Variants in GALT observed in about 807,000 individuals in gnomAD.
GALT encodes the protein galactose-1-phosphate uridylyltransferase.
Under a neutral mutation model 55.4 loss-of-function variants are expected in GALT, and 42 were observed. That is an observed-to-expected ratio of 0.76 (90% CI 0.59 to 0.98). GALT has a LOEUF of 0.98. Among genes scored for constraint, GALT ranks in the 50% least tolerant of loss-of-function variants. The probability of loss-of-function intolerance (pLI) is 0.00; values close to 1 mark genes in which losing one functional copy is unlikely to be tolerated. For synonymous variants in GALT, 154 were observed against 181.5 expected, an observed-to-expected ratio of 0.85 and a Z score of 1.22; for missense variants, 407 against 495.7, an observed-to-expected ratio of 0.82 and a Z score of 1.70.
Position 34,648,811 on chromosome 9 carries a change from G to T in GALT, c.737G>T (p.Trp246Leu). The change falls in exon 8 of 11, where the codon TGG becomes TTG. Residue 246 changes from tryptophan to leucine, a missense_variant. Physicochemically the swap from Trp to Leu is moderately conservative, Grantham distance 61. Coordinates refer to ENST00000378842, the MANE Select transcript of GALT (RefSeq NM_000155.4). The surrounding 1 kb of genome is among the most constrained non-coding windows in gnomAD (Gnocchi z 4.9). The part of the protein sequence containing the change: ...SEHWLVLVPF[W>L]ATWPYQTLLL... ...CACTGGTTAGTACTGGTCCCCTTCT[G>T]GGCAACATGGCCCTACCAGACACTG... is the stretch of plus-strand genomic sequence containing the variant. 6.2e-7 allele frequency: 1 copy of T among 1,613,354 alleles called. No homozygotes were observed.
At position 34,648,637 on chromosome 9, in the gene GALT, T is replaced by C; in HGVS notation, c.688-125T>C. 1.3e-6 allele frequency: 2 copies of C among 1,493,126 alleles called. No homozygotes were observed. The highest frequency in any genetic ancestry group is 1.9e-6 in the Non-Finnish European group (2 of 1,078,240). 92.5% of individuals were successfully genotyped at this position (1,493,126 alleles called of 1,614,324 possible). A position where few individuals can be genotyped will look rare whatever the true frequency, so the allele number is the denominator to read the frequency against. ...TGACTTAGACTCGGGTGGTTAGTGG[T>C]AGAGGTGGTGAGAAGACATCAGATC... On this transcript the variant is annotated intron_variant, in intron 7 of 10. Transcript: ENST00000378842. This position sits in a 1 kb window ranked among gnomAD's most constrained non-coding sequence, Gnocchi z 4.9.
chr9:34,648,431 A>G lies in GALT; in HGVS notation c.662A>G (p.Tyr221Cys). 1 of 1,614,196 alleles carries G rather than the reference A, an allele frequency of 6.2e-7. No individual in the cohort carries two copies. Among genetic ancestry groups the G allele is most frequent in the Non-Finnish European group, 8.5e-7 (1 of 1,180,030 alleles). Reference sequence around the variant, plus strand: ...CATGGAGAGCCCCTGCTAATGGAGTACAGCCGCCAGGAGCTACTCAGGAAG... The same window carrying G: ...CATGGAGAGCCCCTGCTAATGGAGTGCAGCCGCCAGGAGCTACTCAGGAAG... ...SQHGEPLLME[Y>C]SRQELLRKER... is the part of the protein sequence containing the mutation. The change falls in exon 7 of 11, where the codon TAC becomes TGC. Residue 221 changes from tyrosine to cysteine, a missense_variant. Coordinates refer to ENST00000378842, the MANE Select transcript of GALT (RefSeq NM_000155.4). The surrounding 1 kb of genome is among the most constrained non-coding windows in gnomAD (Gnocchi z 4.9).
rs115812481 is a variant in GALT at position 34,648,045 on chromosome 9, C to T, written c.508-70C>T. On this transcript the variant is annotated intron_variant, in intron 5 of 10. Transcript: ENST00000378842. The surrounding 1 kb of genome is among the most constrained non-coding windows in gnomAD (Gnocchi z 4.9). ...CTGGGGAGTAACATTTCTGTTTCCA[C>T]AGGGTGTGGTCAGGAGGGAGTTGAC... is the stretch of plus-strand genomic sequence containing the variant. 5 of 1,614,152 alleles carry T rather than the reference C, an allele frequency of 3.1e-6. No individual in the cohort carries two copies. The highest frequency in any genetic ancestry group is 4.2e-6 in the Non-Finnish European group (5 of 1,180,022).
At chr9:34,649,835 G>A in intron 10 of GALT, 1 of 456,954 alleles carries the variant, frequency 2.2e-6, no homozygotes, top group South Asian at 2.5e-5. Flanking sequence ...CTCAGGAGCT[G>A]CTAAACTCTT....
In GALT at chr9:34,650,201, G is replaced by A. The variant is rs1587241461; in HGVS notation, c.1060-168G>A. ...GGGAGGCTGAGATAGGATCACTTGG[G>A]CCCAGGAGTTTGAGGCTGCAGTGAG... On this transcript the variant is annotated intron_variant, in intron 10 of 10. Transcript: ENST00000378842. 5 of 615,464 alleles carry A rather than the reference G, an allele frequency of 8.1e-6. No individual in the cohort carries two copies. In the East Asian group the frequency reaches 1.1e-4, roughly 14 times the overall value. The allele number at this position is 615,464 out of a possible 1,614,324, so 38.1% of individuals were successfully genotyped here. A position where few individuals can be genotyped will look rare whatever the true frequency, so the allele number is the denominator to read the frequency against.
rs766742012 is a variant in GALT at position 34,647,748 on chromosome 9, G to T, written c.377+43G>T. ...CTCTTACAACTTTCAAACCAGAGTTGGAGACTCAGCATTGGGGTTCGGCCC... is the reference window on the plus strand; with the variant it reads ...CTCTTACAACTTTCAAACCAGAGTTTGAGACTCAGCATTGGGGTTCGGCCC... On this transcript the variant is annotated intron_variant, in intron 4 of 10. Coordinates refer to ENST00000378842, the MANE Select transcript of GALT (RefSeq NM_000155.4). This position sits in a 1 kb window ranked among gnomAD's most constrained non-coding sequence, Gnocchi z 5.6. The T allele has an allele frequency of 1.2e-6, 2 of 1,613,932 alleles. No homozygotes were observed. Among genetic ancestry groups the T allele is most frequent in the Non-Finnish European group, 1.7e-6 (2 of 1,179,906 alleles).
At position 34,647,853 on chromosome 9, in the gene GALT, C is replaced by T. The variant is rs755400936; in HGVS notation, c.399C>T (p.Pro133=). The T allele has an allele frequency of 1.9e-6, 3 of 1,614,238 alleles. No homozygotes were observed. Among genetic ancestry groups the T allele is most frequent in the South Asian group, 1.1e-5 (1 of 91,088 alleles). ...RGVCKVMCFH[P]WSDVTLPLMS... is the part of the protein sequence containing the mutation. ...CCAGTAAGGTCATGTGCTTCCACCC[C>T]TGGTCGGATGTAACGCTGCCACTCA... The change falls in exon 5 of 11, where the codon CCC becomes CCT. Residue 133 remains proline, a synonymous_variant. Transcript: ENST00000378842. The surrounding 1 kb of genome is among the most constrained non-coding windows in gnomAD (Gnocchi z 5.6).
rs377763822 is a variant in GALT, at chr9:34,647,717, T to C, written c.377+12T>C. 1.2e-6 allele frequency: 2 copies of C among 1,613,984 alleles called. No homozygotes were observed. Among genetic ancestry groups the C allele is most frequent in the Admixed American group, 1.7e-5 (1 of 59,996 alleles). On this transcript the variant is annotated intron_variant, in intron 4 of 10. Transcript: ENST00000378842. This position sits in a 1 kb window ranked among gnomAD's most constrained non-coding sequence, Gnocchi z 5.6. The stretch of plus-strand genomic sequence containing the variant: ...GCTCGAGGAGTCTGGTAACTATGGA[T>C]TTCCCCTCTTACAACTTTCAAACCA...
At chr9:34,649,597 C>T (rs765536669) in intron 10 of GALT, 33 bp downstream of exon 10, 1 of 1,612,942 alleles carries the variant, frequency 6.2e-7, no homozygotes, top group South Asian at 1.1e-5. Flanking sequence ...CGTCTCCAGA[C>T]TCTCACATGC....
chr9:34,646,968 C>G (rs1048245276), intron 1 of GALT, 121 bp from the exon 2 acceptor site: 8 of 1,606,168 alleles, frequency 5.0e-6, no homozygotes, highest in Non-Finnish European at 6.8e-6. Flanking sequence ...TCCTGGGCCT[C>G]TAGCTCCTGA....
At position 34,650,425 on chromosome 9, in the gene GALT, C is replaced by T. The variant is rs757314660; in HGVS notation, c.1116C>T (p.Asp372=). ...TTCATTACCACCTGGGGCAGAAGGA[C>T]AGGGAGACAGCAACCATCGCCTGAC... ...PEVHYHLGQK[D]RETATIA Residue 372 remains aspartate, a synonymous_variant, in exon 11 of 11, where the codon GAC becomes GAT. Coordinates refer to ENST00000378842, the MANE Select transcript of GALT (RefSeq NM_000155.4). 7.4e-6 allele frequency: 12 copies of T among 1,614,092 alleles called. No homozygotes were observed. The highest frequency in any genetic ancestry group is 1.6e-4 in the Middle Eastern group (1 of 6,062).
Position 34,647,777 on chromosome 9 carries a change from C to T in GALT, c.378-55C>T. The T allele has an allele frequency of 6.2e-7, 1 of 1,614,160 alleles. No individual in the cohort carries two copies. The highest frequency in any genetic ancestry group is 8.5e-7 in the Non-Finnish European group (1 of 1,179,992). ...ACTCAGCATTGGGGTTCGGCCCTGC[C>T]CGTAGCACAGCCAAGCCCTACCTCT... On this transcript the variant is annotated intron_variant, in intron 4 of 10. Coordinates refer to ENST00000378842, the MANE Select transcript of GALT (RefSeq NM_000155.4). The surrounding 1 kb of genome is among the most constrained non-coding windows in gnomAD (Gnocchi z 5.6).
In GALT at chr9:34,647,363, T is replaced by A. The variant is rs757138698; in HGVS notation, c.252+105T>A. ...ATAGTGAACCTCCTTCTGGGTCATA[T>A]CCCACCAAGCTTTTTGGTCCCCTAG... On this transcript the variant is annotated intron_variant, in intron 2 of 10. Coordinates refer to ENST00000378842, the MANE Select transcript of GALT (RefSeq NM_000155.4). This position sits in a 1 kb window ranked among gnomAD's most constrained non-coding sequence, Gnocchi z 5.6. 13 of 1,588,664 alleles carry A rather than the reference T, an allele frequency of 8.2e-6. 1 individual carries two copies. The South Asian group carries it at 1.4e-4, about 18-fold the overall frequency.
chr9:34,648,969 C>T lies in GALT; in HGVS notation c.821-29C>T, dbSNP rs775491160. 1 of 1,613,882 alleles carries T rather than the reference C, an allele frequency of 6.2e-7. No homozygotes were observed. Among genetic ancestry groups the T allele is most frequent in the African/African-American group, 1.3e-5 (1 of 74,896 alleles). On this transcript the variant is annotated intron_variant, in intron 8 of 10. Transcript: ENST00000378842. This position sits in a 1 kb window ranked among gnomAD's most constrained non-coding sequence, Gnocchi z 4.9. ...TCCCAGTAGGGTCAGCATCTGGACC[C>T]CAGGCTGAGAGTCAGGCTCTGATTC...
chr9:34,647,350 C>T lies in GALT; in HGVS notation c.252+92C>T, dbSNP rs758425482. ...TCCACCCACAGGGATAGTGAACCTC[C>T]TTCTGGGTCATATCCCACCAAGCTT... is the stretch of plus-strand genomic sequence containing the variant. On this transcript the variant is annotated intron_variant, in intron 2 of 10. Coordinates refer to ENST00000378842, the MANE Select transcript of GALT (RefSeq NM_000155.4). The surrounding 1 kb of genome is among the most constrained non-coding windows in gnomAD (Gnocchi z 5.6). 6.3e-6 allele frequency: 10 copies of T among 1,593,348 alleles called. No individual in the cohort carries two copies. The South Asian group carries it at 1.1e-4, about 18-fold the overall frequency.
In GALT at chr9:34,646,755, G is replaced by C; in HGVS notation, c.51G>C (p.Ala17=). ...DPQQRQQASE[A]DAAAATFRAN... ...AGCAACGCCAGCAGGCGTCAGAGGC[G>C]GACGCCGCAGCAGCAACCTTCCGGG... The change falls in exon 1 of 11, where the codon GCG becomes GCC. Residue 17 remains alanine (A), a synonymous_variant. Coordinates refer to ENST00000378842, the MANE Select transcript of GALT (RefSeq NM_000155.4). 1 of 1,613,574 alleles carries C rather than the reference G, an allele frequency of 6.2e-7. No individual in the cohort carries two copies. The highest frequency in any genetic ancestry group is 1.1e-5 in the South Asian group (1 of 91,082).
chr9:34,649,660 C>T, intron 10 of GALT, 96 bp downstream of exon 10: 4 of 1,466,534 alleles, frequency 2.7e-6, no homozygotes, highest in Non-Finnish European at 3.8e-6. Flanking sequence ...AGTCATTGCA[C>T]AAGGCAGAAA....
intron 10 of GALT, chr9:34,650,082 C>A (rs773881911): frequency 2.4e-6 from 1 of 416,546 alleles, no homozygotes; most frequent in Non-Finnish European, 4.4e-6. Flanking sequence ...AAGTTCGAGA[C>A]TAGCCTGGGA....
chr9:34,647,650 A>T lies in GALT; in HGVS notation c.329-7A>T, dbSNP rs1320038166. On this transcript the variant is annotated splice_region_variant and splice_polypyrimidine_tract_variant and intron_variant, in intron 3 of 10. Coordinates refer to ENST00000378842, the MANE Select transcript of GALT (RefSeq NM_000155.4). This position sits in a 1 kb window ranked among gnomAD's most constrained non-coding sequence, Gnocchi z 5.6. ...CTGCTGCAGAGAGTGATACTCCTTT[A>T]CCTCAGGACCCAGTGATCATCCCCT... The T allele has an allele frequency of 9.9e-6, 16 of 1,613,856 alleles. No homozygotes were observed. The highest frequency in any genetic ancestry group is 1.4e-5 in the Non-Finnish European group (16 of 1,180,000).
Sources: allele counts gnomAD v4.1 joint callset, GRCh38; gene constraint gnomAD v4.1.1; non-coding constraint Gnocchi (gnomAD v3.1); transcripts MANE v1.5; gene names NCBI Gene and HGNC (gene_info 2026-07-23, HGNC 2026-07-21).